PID1: variants seen among roughly 807,000 people sequenced by gnomAD.
PID1 encodes the protein phosphotyrosine interaction domain containing 1.
PID1 carries 10 observed loss-of-function variants against 19.1 expected under a neutral mutation model. The ratio of observed to expected loss-of-function variants is 0.52; its 90% CI spans 0.32 to 0.89. PID1 has a LOEUF of 0.89. PID1 is among the 40% of genes least tolerant of loss of function. The pLI is 0.03. For synonymous variants in PID1, 130 were observed against 116.0 expected (o/e 1.12, Z -0.78); for missense variants, 248 against 285.3 (o/e 0.87, Z 0.94).
At chr2:229,215,948 G>A (rs535759698) in intron 1 of PID1, among the ~76,000 whole-genome samples, 7 of 152,236 alleles carry the variant, frequency 4.6e-5, no homozygotes, top group Non-Finnish European at 8.8e-5. Flanking sequence ...AATCAAAATC[G>A]TTTGTGAGAC....
chr2:229,139,133 G>GC (rs1559251913), intron 2 of PID1, among the ~76,000 whole-genome samples: 4 of 119,468 alleles, frequency 3.3e-5, no homozygotes, highest in African/African-American at 6.7e-5. Context: ...AAGAAAGAAA[G>GC]AAAGAAAGAA....
At chr2:229,207,145 A>T (rs576865345) in intron 1 of PID1, among the ~76,000 whole-genome samples, 19 of 152,304 alleles carry the variant, frequency 1.2e-4, no homozygotes, top group African/African-American at 4.6e-4. Context: ...ATCAATAAGG[A>T]TAAAATTTGA....
At chr2:229,175,692 G>A (rs1285606605) in intron 1 of PID1, among the ~76,000 whole-genome samples, 1 of 152,180 alleles carries the variant, frequency 6.6e-6, no homozygotes, top group African/African-American at 2.4e-5. Flanking sequence ...AATACAAAGA[G>A]GGATGGGGGA....
intron 2 of PID1, among the ~76,000 whole-genome samples, chr2:229,150,039 A>T (rs1690217019): frequency 6.6e-6 from 1 of 151,998 alleles, no homozygotes; most frequent in African/African-American, 2.4e-5. Flanking sequence ...GGAGTGCGAG[A>T]CCAGCCTGGC....
At chr2:229,107,142 A>G (rs1349448759) in intron 2 of PID1, among the ~76,000 whole-genome samples, 1 of 152,176 alleles carries the variant, frequency 6.6e-6, no homozygotes, top group East Asian at 1.9e-4. Flanking sequence ...CAGAAGCTGG[A>G]AGAGGCAAAG....
At chr2:229,034,945 A>G (rs1693630451) in intron 2 of PID1, among the ~76,000 whole-genome samples, 1 of 152,120 alleles carries the variant, frequency 6.6e-6, no homozygotes, top group Non-Finnish European at 1.5e-5. Context: ...GCAGTCCCAG[A>G]GCCCACCAGT....
At chr2:229,054,593 G>A (rs529789449) in intron 2 of PID1, among the ~76,000 whole-genome samples, 1 of 151,876 alleles carries the variant, frequency 6.6e-6, no homozygotes, top group South Asian at 2.1e-4. Flanking sequence ...ATATAATATG[G>A]TACATTGTCT....
chr2:229,087,190 G>A (rs1234205346), intron 2 of PID1, among the ~76,000 whole-genome samples: 1 of 151,854 alleles, frequency 6.6e-6, no homozygotes, highest in Non-Finnish European at 1.5e-5. Context: ...TCATAATAAT[G>A]GTTATCACAG....
intron 2 of PID1, among the ~76,000 whole-genome samples, chr2:229,086,322 C>A (rs1694766082): frequency 6.6e-6 from 1 of 152,128 alleles, no homozygotes; most frequent in South Asian, 2.1e-4. Context: ...AGAACACTTA[C>A]ATTAGCCTAC....
chr2:229,148,371 A>G (rs540347863), intron 2 of PID1, among the ~76,000 whole-genome samples: 129 of 152,328 alleles, frequency 8.5e-4, no homozygotes, highest in Middle Eastern at 6.8e-3. Flanking sequence ...TCAACACTAA[A>G]ACAATAGATG....
At chr2:229,173,966 T>C (rs1470822861) in intron 1 of PID1, among the ~76,000 whole-genome samples, 3 of 152,176 alleles carry the variant, frequency 2.0e-5, no homozygotes, top group Admixed American at 6.5e-5. Flanking sequence ...AAGCTCCACT[T>C]ACCTCACTCC....
chr2:229,235,465 C>T (rs528841366), intron 1 of PID1, among the ~76,000 whole-genome samples: 1 of 151,704 alleles, frequency 6.6e-6, no homozygotes, highest in African/African-American at 2.4e-5. Flanking sequence ...CGAATGGTAA[C>T]TAGATGGGTG....
At chr2:229,104,683 T>C (rs1489891970) in intron 2 of PID1, among the ~76,000 whole-genome samples, 1 of 152,198 alleles carries the variant, frequency 6.6e-6, no homozygotes, top group Non-Finnish European at 1.5e-5. Context: ...ATTATCTGTA[T>C]GGATTCCCAG....
At chr2:229,120,318 C>A (rs928762892) in intron 2 of PID1, among the ~76,000 whole-genome samples, 1 of 151,900 alleles carries the variant, frequency 6.6e-6, no homozygotes, top group African/African-American at 2.4e-5. Flanking sequence ...ATTTTGTATA[C>A]GTATTTCATT....
At chr2:229,069,781 C>T (rs974214865) in intron 2 of PID1, among the ~76,000 whole-genome samples, 5 of 152,182 alleles carry the variant, frequency 3.3e-5, no homozygotes, top group South Asian at 2.1e-4. Context: ...CAGTGAAGTG[C>T]TAAGCACTAA....
At chr2:229,055,635 G>T (rs1193730909) in intron 2 of PID1, among the ~76,000 whole-genome samples, 1 of 152,016 alleles carries the variant, frequency 6.6e-6, no homozygotes, top group Non-Finnish European at 1.5e-5. Flanking sequence ...ATATGTTTTT[G>T]GTTTGATACA....
rs533594248 is a variant in PID1 at position 229,200,865 on chromosome 2, T to C, written c.31-44901A>G. On this transcript the variant is annotated intron_variant, in intron 1 of 2. Coordinates refer to ENST00000392055, the MANE Select transcript of PID1 (RefSeq NM_001100818.2). ...AGGTCACAAAGGGGAATGCCTCACCTGTTCCCTGCTGTGTGAAGGCATGTG... is the reference window on the plus strand; with the variant it reads ...AGGTCACAAAGGGGAATGCCTCACCCGTTCCCTGCTGTGTGAAGGCATGTG... Among the ~76,000 whole-genome samples the C allele has an allele frequency of 5.9e-5, 9 of 152,230 alleles. No homozygotes were observed. In the South Asian group the frequency reaches 1.4e-3, roughly 25 times the overall value.
At position 229,206,613 on chromosome 2, in the gene PID1, G is replaced by A. The variant is rs180880457; in HGVS notation, c.31-50649C>T. On this transcript the variant is annotated intron_variant, in intron 1 of 2. Transcript: ENST00000392055. ...CAGACCCAATTCTAGCTCTTTAACC[G>A]TGACATCATAAGTTAAATAAATATA... Among the ~76,000 whole-genome samples, 600 of 152,158 alleles carry A rather than the reference G, an allele frequency of 3.9e-3. 2 individuals carry two copies. The highest frequency in any genetic ancestry group is 5.5e-3 in the Non-Finnish European group (375 of 68,004).
intron 2 of PID1, among the ~76,000 whole-genome samples, chr2:229,138,373 G>A (rs900601052): frequency 1.3e-5 from 2 of 152,062 alleles, no homozygotes; most frequent in African/African-American, 4.8e-5. Context: ...AAATCTGATT[G>A]AAATCCCTGC....
Sources: allele counts gnomAD v4.1 joint callset (sites outside exome capture counted in the v4.1 genomes callset), GRCh38; gene constraint gnomAD v4.1.1; transcripts MANE v1.5; gene names NCBI Gene and HGNC (gene_info 2026-07-23, HGNC 2026-07-21).